NTM: variants seen among roughly 807,000 people sequenced by gnomAD.
The protein encoded by NTM is neurotrimin.
A neutral mutation model predicts 42.1 loss-of-function variants in NTM; 13 were observed. That is an observed-to-expected ratio of 0.31 (90% confidence interval 0.20 to 0.49). The LOEUF (loss-of-function observed/expected upper bound fraction) is 0.49, where lower values mean the gene tolerates loss of function less well. Among genes scored for constraint, NTM ranks in the 20% least tolerant of loss-of-function variants. The pLI is 0.99. For synonymous variants in NTM, 187 were observed against 179.2 expected, an observed-to-expected ratio of 1.04 and a Z score of -0.35; for missense variants, 373 against 452.8, an observed-to-expected ratio of 0.82 and a Z score of 1.60.
chr11:131,482,845 G>C (rs1591796208), intron 1 of NTM, among the ~76,000 whole-genome samples: 1 of 152,166 alleles, frequency 6.6e-6, no homozygotes, highest in Non-Finnish European at 1.5e-5. Context: ...AAAAGAGAAT[G>C]AGAAAGTAAA....
chr11:131,966,241 G>A (rs1024942613), intron 2 of NTM, among the ~76,000 whole-genome samples: 10 of 152,092 alleles, frequency 6.6e-5, no homozygotes, highest in African/African-American at 1.9e-4. Context: ...AATATTTACC[G>A]AGGCAGAATA....
At chr11:132,024,311 T>C (rs188496479) in intron 2 of NTM, among the ~76,000 whole-genome samples, 2 of 152,318 alleles carry the variant, frequency 1.3e-5, no homozygotes, top group African/African-American at 4.8e-5. Flanking sequence ...CTTGTGCAGT[T>C]GTCCTGGCCT....
intron 1 of NTM, among the ~76,000 whole-genome samples, chr11:131,422,696 A>C (rs1002193011): frequency 5.3e-5 from 8 of 152,210 alleles, no homozygotes; most frequent in Non-Finnish European, 7.3e-5. Flanking sequence ...CCTTCCAAGG[A>C]ATGTATACCA....
intron 2 of NTM, among the ~76,000 whole-genome samples, chr11:132,085,310 T>A (rs2059567795): frequency 6.6e-6 from 1 of 152,236 alleles, no homozygotes; most frequent in African/African-American, 2.4e-5. Flanking sequence ...TAACATAAAA[T>A]CTGGTAGATT....
At chr11:131,757,945 A>T (rs2083552000) in intron 1 of NTM, among the ~76,000 whole-genome samples, 2 of 152,216 alleles carry the variant, frequency 1.3e-5, no homozygotes. Context: ...TAAAAGATTT[A>T]ATGTTTAGCT....
intron 2 of NTM, among the ~76,000 whole-genome samples, chr11:131,921,411 G>C (rs969181085): frequency 6.6e-6 from 1 of 152,112 alleles, no homozygotes; most frequent in African/African-American, 2.4e-5. Flanking sequence ...CCAGGAATTA[G>C]GAAGAGGCAA....
chr11:131,448,905 G>A (rs1950267477), intron 1 of NTM, among the ~76,000 whole-genome samples: 1 of 152,194 alleles, frequency 6.6e-6, no homozygotes, highest in African/African-American at 2.4e-5. Flanking sequence ...GGGGAGTTTT[G>A]CAGGGGGCAT....
At chr11:132,173,756 T>A (rs1592008526) in intron 3 of NTM, among the ~76,000 whole-genome samples, 1 of 152,058 alleles carries the variant, frequency 6.6e-6, no homozygotes, top group East Asian at 1.9e-4. Flanking sequence ...GAATGGAGAG[T>A]GGAGCTAGGA....
intron 3 of NTM, among the ~76,000 whole-genome samples, chr11:132,208,781 C>T (rs1401434122): frequency 1.3e-5 from 2 of 152,184 alleles, no homozygotes; most frequent in Non-Finnish European, 2.9e-5. Context: ...AACTACAAAC[C>T]CTAAATCACC....
At chr11:132,174,509 G>A (rs2076523727) in intron 3 of NTM, among the ~76,000 whole-genome samples, 1 of 152,202 alleles carries the variant, frequency 6.6e-6, no homozygotes, top group African/African-American at 2.4e-5. Flanking sequence ...TCAGTATGCT[G>A]GGTGAGGAGC....
intron 4 of NTM, among the ~76,000 whole-genome samples, chr11:132,282,976 CTTTTTTTTTT>C (rs142817071): frequency 0.23 from 25,031 of 109,520 alleles, 2,591 homozygotes; most frequent in Middle Eastern, 0.4. Context: ...TCCTTTATTC[CTTTTTTTTTT>C]TTTTTTTTTT....
intron 1 of NTM, among the ~76,000 whole-genome samples, chr11:131,375,161 T>C (rs34807050): frequency 0.055 from 8,343 of 152,190 alleles, 324 homozygotes; most frequent in African/African-American, 0.1. Context: ...ATTTCTCTGT[T>C]TTCTGTAGGG....
intron 1 of NTM, among the ~76,000 whole-genome samples, chr11:131,611,989 T>G (rs1414452752): frequency 6.6e-6 from 1 of 152,134 alleles, no homozygotes; most frequent in Non-Finnish European, 1.5e-5. Context: ...CCACAGTCTG[T>G]GAATAATAGA....
At chr11:131,949,897 TCA>T (rs539808624) in intron 2 of NTM, among the ~76,000 whole-genome samples, 76 of 139,396 alleles carry the variant, frequency 5.5e-4, no homozygotes, top group African/African-American at 1.9e-3. Flanking sequence ...TCCTAGCTAC[TCA>T]CACTTTTCTC....
intron 1 of NTM, among the ~76,000 whole-genome samples, chr11:131,649,402 A>G (rs543518069): frequency 6.6e-6 from 1 of 152,206 alleles, no homozygotes; most frequent in Non-Finnish European, 1.5e-5. Context: ...GAACGGGATA[A>G]AAAGTGGTCT....
chr11:131,785,034 G>A lies in NTM; in HGVS notation c.83-126530G>A, dbSNP rs551037974. 2.8e-4 allele frequency among the ~76,000 whole-genome samples: 43 copies of A among 152,148 alleles called. 1 individual carries two copies. The highest frequency in any genetic ancestry group is 1.5e-3 in the East Asian group (8 of 5,174). On this transcript the variant is annotated intron_variant, in intron 1 of 8. Transcript: ENST00000683400. The stretch of plus-strand genomic sequence containing the variant: ...AAAATCTTCCTTACTGTGTGTGTGC[G>A]TGTGTGTGTCTGTGTGGGTACACAT...
At chr11:132,162,495 G>T (rs1255915130) in intron 3 of NTM, among the ~76,000 whole-genome samples, 1 of 146,138 alleles carries the variant, frequency 6.8e-6, no homozygotes, top group African/African-American at 2.5e-5. Context: ...GATGGGGGGA[G>T]TGTGGATGTG....
intron 2 of NTM, among the ~76,000 whole-genome samples, chr11:131,965,062 GGGGTAGAGT>G (rs1174132837): frequency 1.3e-5 from 2 of 152,064 alleles, no homozygotes. Flanking sequence ...GAGGATGTGT[GGGGTAGAGT>G]GGGGAAAGGG....
chr11:131,832,118 C>T (rs1321786196), intron 1 of NTM, among the ~76,000 whole-genome samples: 1 of 151,422 alleles, frequency 6.6e-6, no homozygotes, highest in East Asian at 1.9e-4. Context: ...TCCCAAATTG[C>T]CCTTCAAAAC....
Sources: allele counts gnomAD v4.1 joint callset (sites outside exome capture counted in the v4.1 genomes callset), GRCh38; gene constraint gnomAD v4.1.1; transcripts MANE v1.5; gene names NCBI Gene and HGNC (gene_info 2026-07-23, HGNC 2026-07-21).